SLCO3A1: variants seen among roughly 807,000 people sequenced by gnomAD.
The protein encoded by SLCO3A1 is PGE1 transporter.
SLCO3A1 carries 27 observed loss-of-function variants against 63.1 expected under a neutral mutation model. The observed-to-expected ratio is 0.43, with a 90% CI of 0.32 to 0.59. The LOEUF (loss-of-function observed/expected upper bound fraction) is 0.59. Among genes scored for constraint, SLCO3A1 ranks in the 20% least tolerant of loss-of-function variants. The pLI, the probability that SLCO3A1 is intolerant of heterozygous loss-of-function variation, is 0.09. For missense variants in SLCO3A1, 773 were observed against 945.8 expected (o/e 0.82, Z 2.40); for synonymous variants, 473 against 409.9 (o/e 1.15, Z -1.86).
rs2047569091 is a variant in SLCO3A1 at position 92,098,696 on chromosome 15, G to A, written c.745+3717G>A. 1.3e-5 allele frequency among the ~76,000 whole-genome samples: 2 copies of A among 148,932 alleles called. 1 individual carries two copies. The highest frequency in any genetic ancestry group is 1.3e-4 in the Admixed American group (2 of 14,988). On this transcript the variant is annotated intron_variant, in intron 3 of 9. Transcript: ENST00000318445. ...TTCTCATGGGAGTGTAGATCCTACT[G>A]TTAGGTGAGGCATTATCATGCAGTG...
chr15:91,959,599 G>T (rs970219541), intron 2 of SLCO3A1, among the ~76,000 whole-genome samples: 1 of 151,394 alleles, frequency 6.6e-6, no homozygotes, highest in Non-Finnish European at 1.5e-5. Context: ...GGGTGTGGTG[G>T]TGGGCACCTG....
rs1896860393 is a variant in SLCO3A1 at position 91,854,449 on chromosome 15, G to C, written c.180+361G>C. 1.7e-5 allele frequency: 16 copies of C among 940,852 alleles called. No individual in the cohort carries two copies. The highest frequency in any genetic ancestry group is 2.0e-5 in the Non-Finnish European group (16 of 781,452). The allele number at this position is 940,852 out of a possible 1,614,324, so 58.3% of individuals were successfully genotyped here. A position where few individuals can be genotyped will look rare whatever the true frequency, so the allele number is the denominator to read the frequency against. ...TCTCCTTGGAGAGGAACGAAAAAGC[G>C]TCGGGGTTTTCAGGTGACCTGCACA... On this transcript the variant is annotated intron_variant, in intron 1 of 9. Coordinates refer to ENST00000318445, the MANE Select transcript of SLCO3A1 (RefSeq NM_013272.4). This position sits in a 1 kb window ranked among gnomAD's most constrained non-coding sequence, Gnocchi z 6.4.
intron 7 of SLCO3A1, among the ~76,000 whole-genome samples, chr15:92,139,319 A>T (rs1353376938): frequency 6.7e-6 from 1 of 148,838 alleles, no homozygotes; most frequent in Non-Finnish European, 1.5e-5. Flanking sequence ...CATCCCAGGG[A>T]TGAAGCCCAC....
rs141801572 is a variant in SLCO3A1, at chr15:91,911,994, A to C, written c.181-3999A>C. On this transcript the variant is annotated intron_variant, in intron 1 of 9. Coordinates refer to ENST00000318445, the MANE Select transcript of SLCO3A1 (RefSeq NM_013272.4). Reference sequence around the variant, plus strand: ...GCAAGCTGATTTTTTTTTTTTGAATAATCATTGTAGAAGCCTGATACATAC... The same window carrying C: ...GCAAGCTGATTTTTTTTTTTTGAATCATCATTGTAGAAGCCTGATACATAC... Among the ~76,000 whole-genome samples, 66 of 151,472 alleles carry C rather than the reference A, an allele frequency of 4.4e-4. 2 individuals are homozygous for C. The South Asian group carries it at 0.014, about 32-fold the overall frequency.
At chr15:91,907,351 A>G (rs1393318782) in intron 1 of SLCO3A1, among the ~76,000 whole-genome samples, 5 of 151,858 alleles carry the variant, frequency 3.3e-5, no homozygotes, top group African/African-American at 9.7e-5. Flanking sequence ...GATTACAGGC[A>G]CCCGCCACCA....
At chr15:92,032,493 G>C (rs2046664589) in intron 2 of SLCO3A1, among the ~76,000 whole-genome samples, 1 of 152,180 alleles carries the variant, frequency 6.6e-6, no homozygotes, top group Non-Finnish European at 1.5e-5. Context: ...CAGTGCAGGG[G>C]TGGTGAGGGT....
intron 7 of SLCO3A1, among the ~76,000 whole-genome samples, chr15:92,146,375 C>T (rs1247779249): frequency 2.0e-5 from 3 of 152,216 alleles, no homozygotes; most frequent in East Asian, 1.9e-4. Context: ...GGTTTTAGCT[C>T]TGCTCCCCAC....
intron 2 of SLCO3A1, among the ~76,000 whole-genome samples, chr15:91,989,979 G>A (rs1228528297): frequency 6.6e-6 from 1 of 152,172 alleles, no homozygotes; most frequent in East Asian, 1.9e-4. Flanking sequence ...TAATCATCTA[G>A]AATATTTCAA....
rs750214114 is a variant in SLCO3A1 at position 91,915,952 on chromosome 15, C to G, written c.181-41C>G. On this transcript the variant is annotated intron_variant, in intron 1 of 9. Coordinates refer to ENST00000318445, the MANE Select transcript of SLCO3A1 (RefSeq NM_013272.4). Reference sequence around the variant, plus strand: ...CGGGAAGGAGAGGCTTCCTGGGCATCTTCTTGGATTGGCTCTGACCTTTCT... The same window carrying G: ...CGGGAAGGAGAGGCTTCCTGGGCATGTTCTTGGATTGGCTCTGACCTTTCT... 4.6e-6 allele frequency: 7 copies of G among 1,537,040 alleles called. No homozygotes were observed. The East Asian group carries it at 1.6e-4, about 35-fold the overall frequency.
intron 2 of SLCO3A1, among the ~76,000 whole-genome samples, chr15:91,939,434 G>A (rs1392089494): frequency 6.6e-6 from 1 of 152,152 alleles, no homozygotes; most frequent in Non-Finnish European, 1.5e-5. Context: ...GATCATATAG[G>A]CGCTATAGCA....
chr15:91,979,438 A>G (rs1037040699), intron 2 of SLCO3A1, among the ~76,000 whole-genome samples: 1 of 152,210 alleles, frequency 6.6e-6, no homozygotes, highest in African/African-American at 2.4e-5. Context: ...AAAGTTTCAG[A>G]TTTTGGAGCA....
At chr15:91,992,521 G>A (rs1242777034) in intron 2 of SLCO3A1, among the ~76,000 whole-genome samples, 1 of 152,218 alleles carries the variant, frequency 6.6e-6, no homozygotes, top group Non-Finnish European at 1.5e-5. Context: ...CGGGAAGCCA[G>A]TGATCCTTCT....
At chr15:92,046,934 C>A (rs1240451059) in intron 2 of SLCO3A1, among the ~76,000 whole-genome samples, 1 of 132,684 alleles carries the variant, frequency 7.5e-6, no homozygotes, top group East Asian at 2.1e-4. Flanking sequence ...AATGATGCTG[C>A]TGGTTGCAGC....
chr15:91,977,674 G>A (rs1222669315), intron 2 of SLCO3A1, among the ~76,000 whole-genome samples: 4 of 152,118 alleles, frequency 2.6e-5, no homozygotes, highest in Admixed American at 2.0e-4. Context: ...CACTGCTTGG[G>A]TGATGGGTGC....
rs374746584 is a variant in SLCO3A1 at position 92,114,672 on chromosome 15, C to T, written c.1010-5793C>T. Among the ~76,000 whole-genome samples, 61 of 152,256 alleles carry T rather than the reference C, an allele frequency of 4.0e-4. No individual in the cohort carries two copies. In the South Asian group the frequency reaches 0.013, roughly 32 times the overall value. On this transcript the variant is annotated intron_variant, in intron 4 of 9. Transcript: ENST00000318445. ...TTATGATTTGAAGACTGTCATTTAT[C>T]TCATCTAAGACCTCCCTGCTCTCTG... is the stretch of plus-strand genomic sequence containing the variant.
chr15:92,028,239 C>T (rs1353572069), intron 2 of SLCO3A1, among the ~76,000 whole-genome samples: 2 of 152,074 alleles, frequency 1.3e-5, no homozygotes, highest in Non-Finnish European at 2.9e-5. Context: ...GGAATTTCCA[C>T]AAGTCCGTTG....
intron 1 of SLCO3A1, among the ~76,000 whole-genome samples, chr15:91,857,088 ATGTGTGTGTGTGTC>A (rs1249056647): frequency 2.2e-5 from 3 of 136,826 alleles, no homozygotes; most frequent in Non-Finnish European, 3.3e-5. Flanking sequence ...GAGAGAGAAA[ATGTGTGTGTGTGTC>A]TGTGTGTGTG....
chr15:92,033,168 A>G lies in SLCO3A1; in HGVS notation c.647-61713A>G, dbSNP rs1567078031. ...AACAAAAGAACTCCATGGATGGGGCATTGTTTTTCCATTCTGGGATGAGGA... is the reference window on the plus strand; with the variant it reads ...AACAAAAGAACTCCATGGATGGGGCGTTGTTTTTCCATTCTGGGATGAGGA... On this transcript the variant is annotated intron_variant, in intron 2 of 9. Coordinates refer to ENST00000318445, the MANE Select transcript of SLCO3A1 (RefSeq NM_013272.4). This position sits in a 1 kb window ranked among gnomAD's most constrained non-coding sequence, Gnocchi z 4.5. Among the ~76,000 whole-genome samples, 1 of 152,180 alleles carries G rather than the reference A, an allele frequency of 6.6e-6. No homozygotes were observed. Among genetic ancestry groups the G allele is most frequent in the Non-Finnish European group, 1.5e-5 (1 of 68,034 alleles).
chr15:92,017,285 T>TGA (rs1555424557), intron 2 of SLCO3A1, among the ~76,000 whole-genome samples: 4 of 145,738 alleles, frequency 2.7e-5, no homozygotes, highest in African/African-American at 1.1e-4. Flanking sequence ...GAGCTGGGAT[T>TGA]GGGGGGGGGT....
Sources: gnomAD v4.1 joint callset for allele counts (sites outside exome capture counted in the v4.1 genomes callset) on GRCh38, gnomAD v4.1.1 for gene constraint, Gnocchi (gnomAD v3.1) non-coding constraint, MANE v1.5 for transcripts, NCBI Gene and HGNC (gene_info 2026-07-23, HGNC 2026-07-21) for gene names.